The following ORAI2 variants were observed in gnomAD, a reference collection of about 807,000 sequenced individuals.
ORAI2 encodes protein orai-2.
Under a neutral mutation model 16.2 loss-of-function variants are expected in ORAI2, and 10 were observed. The ratio of observed to expected loss-of-function variants is 0.62; its 90% confidence interval spans 0.38 to 1.04. ORAI2 has a LOEUF of 1.04. ORAI2 is among the 50% of genes least tolerant of loss of function. ORAI2 has a pLI of 0.01. For synonymous variants in ORAI2, 150 were observed against 157.5 expected (o/e 0.95, Z 0.35); for missense variants, 238 against 355.5 (o/e 0.67, Z 2.66).
intron 2 of ORAI2, among the ~76,000 whole-genome samples, chr7:102,438,073 C>T (rs575345855): frequency 9.2e-4 from 136 of 147,718 alleles, no homozygotes; most frequent in African/African-American, 3.3e-3. Flanking sequence ...GTAGGCTGGA[C>T]GCGGTGGGTC....
rs1797546356 is a variant in ORAI2 at position 102,452,377 on chromosome 7, C to T, written c.*5325C>T. ...AACTCATGACCTCGTGATCTGCCCACCTCGGCCTCCCAAAGTGCTGGGATT... is the reference window on the plus strand; with the variant it reads ...AACTCATGACCTCGTGATCTGCCCATCTCGGCCTCCCAAAGTGCTGGGATT... On this transcript the variant is annotated 3_prime_UTR_variant, in exon 4 of 4. Coordinates refer to ENST00000495936, the MANE Select transcript of ORAI2 (RefSeq NM_001126340.3). The T allele has an allele frequency of 6.6e-6, 1 of 152,276 alleles. No homozygotes were observed. The highest frequency in any genetic ancestry group is 2.1e-4 in the South Asian group (1 of 4,832). 9.4% of individuals were successfully genotyped at this position (152,276 alleles called of 1,614,324 possible).
chr7:102,434,048 G>C (rs942223498), intron 1 of ORAI2, among the ~76,000 whole-genome samples: 1 of 144,056 alleles, frequency 6.9e-6, no homozygotes, highest in Non-Finnish European at 1.5e-5. Context: ...GGCCAGCCAG[G>C]AAGAAAAGCT....
At chr7:102,441,699 C>G (rs1797207453) in intron 3 of ORAI2, among the ~76,000 whole-genome samples, 1 of 151,422 alleles carries the variant, frequency 6.6e-6, no homozygotes, top group East Asian at 1.9e-4. Flanking sequence ...TATTTTTGAC[C>G]TGCGGTTGGT....
chr7:102,436,551 G>A (rs1797062876), intron 2 of ORAI2, among the ~76,000 whole-genome samples: 2 of 152,016 alleles, frequency 1.3e-5, no homozygotes, highest in African/African-American at 4.8e-5. Context: ...CATTTCCTCA[G>A]CTGCTGACCC....
intron 2 of ORAI2, 135 bp from the exon 3 acceptor site, chr7:102,438,809 T>C: frequency 1.3e-6 from 1 of 750,136 alleles, no homozygotes; most frequent in South Asian, 1.6e-5. Flanking sequence ...CTTTAGGTCC[T>C]GGGCACTTTC....
At chr7:102,444,202 C>G (rs976656561) in intron 3 of ORAI2, among the ~76,000 whole-genome samples, 2 of 152,188 alleles carry the variant, frequency 1.3e-5, no homozygotes, top group South Asian at 4.2e-4. Flanking sequence ...TCACTGCAGC[C>G]TCTAACTCCG....
chr7:102,437,986 C>A (rs924900163), intron 2 of ORAI2, among the ~76,000 whole-genome samples: 2 of 152,068 alleles, frequency 1.3e-5, no homozygotes, highest in Non-Finnish European at 2.9e-5. Context: ...GAGTTCGAGG[C>A]TGCAGTGAGC....
intron 2 of ORAI2, among the ~76,000 whole-genome samples, chr7:102,438,117 G>T (rs528351262): frequency 6.6e-6 from 1 of 152,024 alleles, no homozygotes; most frequent in African/African-American, 2.4e-5. Context: ...GGAGGCTGAG[G>T]CAGGTGGATC....
intron 3 of ORAI2, among the ~76,000 whole-genome samples, chr7:102,439,434 A>T (rs572832796): frequency 5.9e-5 from 9 of 152,288 alleles, no homozygotes; most frequent in African/African-American, 2.2e-4. Flanking sequence ...CACATCAAGT[A>T]TTTGCTTAGC....
chr7:102,442,834 C>T (rs1336403570), intron 3 of ORAI2, among the ~76,000 whole-genome samples: 1 of 143,484 alleles, frequency 7.0e-6, no homozygotes, highest in Non-Finnish European at 1.5e-5. Context: ...CCACCCTGGG[C>T]AACAGAGAGG....
At chr7:102,436,656 C>T (rs1586707288) in intron 2 of ORAI2, among the ~76,000 whole-genome samples, 2 of 152,274 alleles carry the variant, frequency 1.3e-5, no homozygotes, top group East Asian at 3.9e-4. Flanking sequence ...ATAGACTTTC[C>T]GTGGGGCCTA....
intron 3 of ORAI2, among the ~76,000 whole-genome samples, chr7:102,445,734 A>G (rs564370836): frequency 3.5e-5 from 5 of 144,802 alleles, no homozygotes; most frequent in African/African-American, 1.0e-4. Flanking sequence ...TCCTGCCTCA[A>G]CCTCCCAAAC....
chr7:102,435,166 G>A (rs554506385), intron 1 of ORAI2, among the ~76,000 whole-genome samples: 1 of 152,302 alleles, frequency 6.6e-6, no homozygotes, highest in African/African-American at 2.4e-5. Context: ...AGCTACTCGG[G>A]TGGTTGAGGC....
rs778137935 is a variant in ORAI2 at position 102,438,985 on chromosome 7, AC to A, written c.33del (p.Ser12LeufsTer44). Reference sequence around the variant, plus strand: ...AGTGCTGAGCTTAACGTGCCTATCGACCCCTCTGCTCCTGCCTGCCCTGAGC... The same window carrying A: ...AGTGCTGAGCTTAACGTGCCTATCGACCCTCTGCTCCTGCCTGCCCTGAGC... The part of the protein sequence containing the change: MSAELNVPI[D>X]PSAPACPEPG... On this transcript the variant is annotated frameshift_variant, in exon 3 of 4. Transcript: ENST00000495936. LOFTEE classifies it high-confidence loss of function. 6.2e-7 allele frequency: 1 copy of A among 1,612,690 alleles called. No individual in the cohort carries two copies. Among genetic ancestry groups the A allele is most frequent in the Non-Finnish European group, 8.5e-7 (1 of 1,179,700 alleles).
rs1323035698 is a variant in ORAI2, at chr7:102,451,026, C to T, written c.*3974C>T. On this transcript the variant is annotated 3_prime_UTR_variant, in exon 4 of 4. Transcript: ENST00000495936. ...GACCAGCCTGGCCCACATGGTGAAACCCTGTCTCTACTAAAAATACAAAAA... is the reference window on the plus strand; with the variant it reads ...GACCAGCCTGGCCCACATGGTGAAATCCTGTCTCTACTAAAAATACAAAAA... 1 of 152,202 alleles carries T rather than the reference C, an allele frequency of 6.6e-6. No homozygotes were observed. The highest frequency in any genetic ancestry group is 3.4e-3 in the Middle Eastern group (1 of 294). 9.4% of individuals were successfully genotyped at this position (152,202 alleles called of 1,614,324 possible).
At chr7:102,445,037 G>A (rs1194302996) in intron 3 of ORAI2, among the ~76,000 whole-genome samples, 2 of 64,508 alleles carry the variant, frequency 3.1e-5, no homozygotes, top group African/African-American at 2.6e-4. Context: ...TCTACCTGCT[G>A]TAGCCTCCGA....
At position 102,447,807 on chromosome 7, in the gene ORAI2, T is replaced by C. The variant is rs1317109321; in HGVS notation, c.*755T>C. 1 of 152,196 alleles carries C rather than the reference T, an allele frequency of 6.6e-6. No homozygotes were observed. The highest frequency in any genetic ancestry group is 1.5e-5 in the Non-Finnish European group (1 of 68,036). 9.4% of individuals were successfully genotyped at this position (152,196 alleles called of 1,614,324 possible). A position where few individuals can be genotyped will look rare whatever the true frequency, so the allele number is the denominator to read the frequency against. Reference sequence around the variant, plus strand: ...ATTTGAGGGCTGCTGCAAAGTACGCTAGGCTCAAATTCTCTTTTCCCAGCC... The same window carrying C: ...ATTTGAGGGCTGCTGCAAAGTACGCCAGGCTCAAATTCTCTTTTCCCAGCC... On this transcript the variant is annotated 3_prime_UTR_variant, in exon 4 of 4. Coordinates refer to ENST00000495936, the MANE Select transcript of ORAI2 (RefSeq NM_001126340.3).
chr7:102,442,381 T>C (rs944399867), intron 3 of ORAI2, among the ~76,000 whole-genome samples: 1 of 152,006 alleles, frequency 6.6e-6, no homozygotes, highest in Non-Finnish European at 1.5e-5. Context: ...GGTGAAACAC[T>C]GTCTCTACTA....
At chr7:102,442,138 A>C (rs372769604) in intron 3 of ORAI2, among the ~76,000 whole-genome samples, 1 of 151,008 alleles carries the variant, frequency 6.6e-6, no homozygotes, top group Admixed American at 6.6e-5. Flanking sequence ...TGCATAGGCC[A>C]GGCGGGGTGG....
Sources: allele counts gnomAD v4.1 joint callset (sites outside exome capture counted in the v4.1 genomes callset), GRCh38; gene constraint gnomAD v4.1.1; transcripts MANE v1.5; gene names NCBI Gene and HGNC (gene_info 2026-07-23, HGNC 2026-07-21).